PRICKLE1: variants seen among roughly 807,000 people sequenced by gnomAD.
PRICKLE1 encodes the protein prickle-like protein 1.
PRICKLE1 carries 14 observed loss-of-function variants against 70.2 expected under a neutral mutation model. The ratio of observed to expected loss-of-function variants is 0.20; its 90% confidence interval spans 0.13 to 0.31. The LOEUF (loss-of-function observed/expected upper bound fraction) is 0.31, where lower values mean the gene tolerates loss of function less well. Ranked by LOEUF, PRICKLE1 falls within the 10% of genes least tolerant of loss-of-function variation. The pLI is 1.00. For missense variants in PRICKLE1, 821 were observed against 1,026.2 expected (o/e 0.80, Z 2.73); for synonymous variants, 357 against 379.9 (o/e 0.94, Z 0.70).
At chr12:42,556,997 T>C (rs944864332) in intron 1 of PRICKLE1, among the ~76,000 whole-genome samples, 1 of 152,062 alleles carries the variant, frequency 6.6e-6, no homozygotes, top group Non-Finnish European at 1.5e-5. Flanking sequence ...TTCTGTTTTT[T>C]TTTTTTTAAA....
At chr12:42,484,750 G>T (rs576849755) in intron 1 of PRICKLE1, among the ~76,000 whole-genome samples, 8 of 152,306 alleles carry the variant, frequency 5.3e-5, no homozygotes, top group African/African-American at 1.9e-4. Context: ...CTGAGAGAAA[G>T]TGGAGTTTGG....
rs1168873887 is a variant in PRICKLE1, at chr12:42,572,456, TAAA to T, written c.-49+17006_-49+17008del. 2.2e-3 allele frequency among the ~76,000 whole-genome samples: 326 copies of T among 151,122 alleles called. 2 individuals carry two copies. The highest frequency in any genetic ancestry group is 0.015 in the East Asian group (77 of 5,170). ...TGTCTTAAATAAATAAATAAATAAA[TAAA>T]TAAATAAATAAATTAAAAATACTTG... On this transcript the variant is annotated intron_variant, in intron 1 of 7. Coordinates refer to ENST00000345127, the MANE Select transcript of PRICKLE1 (RefSeq NM_153026.3).
chr12:42,472,732 A>T (rs1467966131), intron 1 of PRICKLE1, among the ~76,000 whole-genome samples, 168 bp from the exon 2 acceptor site: 2 of 152,178 alleles, frequency 1.3e-5, no homozygotes, highest in East Asian at 3.8e-4. Context: ...GAAATTTAAA[A>T]TTTAGAGCTA....
At chr12:42,482,483 A>G (rs913112329) in intron 1 of PRICKLE1, among the ~76,000 whole-genome samples, 1 of 152,094 alleles carries the variant, frequency 6.6e-6, no homozygotes, top group African/African-American at 2.4e-5. Flanking sequence ...TTGGATTTCT[A>G]TTTTCAACAG....
intron 1 of PRICKLE1, among the ~76,000 whole-genome samples, chr12:42,480,036 C>G (rs1212378562): frequency 1.3e-5 from 2 of 152,158 alleles, no homozygotes; most frequent in Non-Finnish European, 2.9e-5. Context: ...ATTTAGCCTT[C>G]GGCTGATCAT....
intron 1 of PRICKLE1, among the ~76,000 whole-genome samples, chr12:42,507,886 A>G (rs1453050963): frequency 6.6e-6 from 1 of 152,226 alleles, no homozygotes; most frequent in African/African-American, 2.4e-5. Context: ...AGATAAACAC[A>G]TATTGGAGGA....
intron 1 of PRICKLE1, among the ~76,000 whole-genome samples, chr12:42,544,923 G>T (rs1940180887): frequency 6.6e-6 from 1 of 151,706 alleles, no homozygotes; most frequent in African/African-American, 2.4e-5. Context: ...ATGAGGATTA[G>T]CTGCTTTCCT....
In PRICKLE1 at chr12:42,457,763, C is replaced by G. The variant is rs553859437; in HGVS notation, c.*2046G>C. 1.3e-5 allele frequency: 2 copies of G among 152,310 alleles called. No homozygotes were observed. Among genetic ancestry groups the G allele is most frequent in the East Asian group, 3.9e-4 (2 of 5,188 alleles). The allele number at this position is 152,310 out of a possible 1,614,324, so 9.4% of individuals were successfully genotyped here. ...AAAGGGAAAAAAGCATGTCACAGCACATATAGGTCACTACCACTTTTAAAA... is the reference window on the plus strand; with the variant it reads ...AAAGGGAAAAAAGCATGTCACAGCAGATATAGGTCACTACCACTTTTAAAA... On this transcript the variant is annotated 3_prime_UTR_variant, in exon 8 of 8. Transcript: ENST00000345127.
intron 1 of PRICKLE1, among the ~76,000 whole-genome samples, chr12:42,555,056 G>A (rs7308904): frequency 0.26 from 40,194 of 151,780 alleles, 7,622 homozygotes; most frequent in African/African-American, 0.54. Flanking sequence ...TAATCCTAGC[G>A]CTTTGGGAGG....
intron 1 of PRICKLE1, among the ~76,000 whole-genome samples, chr12:42,538,366 T>C (rs1940050359): frequency 5.3e-5 from 8 of 152,176 alleles, no homozygotes; most frequent in Admixed American, 5.2e-4. Context: ...TGGATAGTGA[T>C]CTGGGGTCAA....
At chr12:42,510,512 T>C (rs1195313920) in intron 1 of PRICKLE1, among the ~76,000 whole-genome samples, 1 of 152,162 alleles carries the variant, frequency 6.6e-6, no homozygotes, top group African/African-American at 2.4e-5. Context: ...CTGGGCAACA[T>C]AGCAAGACCC....
chr12:42,555,669 AT>A (rs1182986261), intron 1 of PRICKLE1, among the ~76,000 whole-genome samples: 1 of 152,200 alleles, frequency 6.6e-6, no homozygotes, highest in African/African-American at 2.4e-5. Context: ...TTAACACAAA[AT>A]TTTGAGATAG....
intron 1 of PRICKLE1, among the ~76,000 whole-genome samples, chr12:42,580,990 A>G (rs527694723): frequency 1.9e-4 from 29 of 152,284 alleles, no homozygotes; most frequent in Admixed American, 3.3e-4. Context: ...AAAAGCAGGC[A>G]GGCAGATAAT....
At chr12:42,567,476 TTCTC>T (rs1940639044) in intron 1 of PRICKLE1, among the ~76,000 whole-genome samples, 1 of 152,234 alleles carries the variant, frequency 6.6e-6, no homozygotes, top group African/African-American at 2.4e-5. Flanking sequence ...AATGACATTC[TTCTC>T]TATCTGTAGT....
intron 1 of PRICKLE1, among the ~76,000 whole-genome samples, chr12:42,516,605 T>C (rs1380483748): frequency 6.6e-6 from 1 of 152,144 alleles, no homozygotes; most frequent in African/African-American, 2.4e-5. Flanking sequence ...TTTGTTTCTC[T>C]CTCTCTGTTC....
At chr12:42,547,600 T>C (rs553417475) in intron 1 of PRICKLE1, among the ~76,000 whole-genome samples, 2 of 152,316 alleles carry the variant, frequency 1.3e-5, no homozygotes, top group African/African-American at 2.4e-5. Context: ...TAATTCTTGA[T>C]ACTATTTTTA....
intron 1 of PRICKLE1, among the ~76,000 whole-genome samples, chr12:42,487,870 A>T (rs1349994476): frequency 6.6e-6 from 1 of 151,856 alleles, no homozygotes; most frequent in Non-Finnish European, 1.5e-5. Context: ...GCATGATGAA[A>T]CCCCATCTCT....
chr12:42,583,896 G>C (rs920159610), intron 1 of PRICKLE1, among the ~76,000 whole-genome samples: 2 of 152,054 alleles, frequency 1.3e-5, no homozygotes, highest in African/African-American at 4.8e-5. Flanking sequence ...TTTCAGGTGG[G>C]CCAAAATTGT....
In PRICKLE1 at chr12:42,507,580, T is replaced by C. The variant is rs1487641854; in HGVS notation, c.-48-35016A>G. Among the ~76,000 whole-genome samples the C allele has an allele frequency of 2.0e-5, 3 of 152,236 alleles. No individual in the cohort carries two copies. The South Asian group carries it at 6.2e-4, about 31-fold the overall frequency. ...ACTTGCTCAGTCTTCTGATTTATTA[T>C]ATGGAAGAACTTTTTTTTGAGCTGT... On this transcript the variant is annotated intron_variant, in intron 1 of 7. Coordinates refer to ENST00000345127, the MANE Select transcript of PRICKLE1 (RefSeq NM_153026.3).
Sources: gnomAD v4.1 joint callset for allele counts (sites outside exome capture counted in the v4.1 genomes callset) on GRCh38, gnomAD v4.1.1 for gene constraint, MANE v1.5 for transcripts, NCBI Gene and HGNC (gene_info 2026-07-23, HGNC 2026-07-21) for gene names.